The following PCDHA1 variants were observed in gnomAD, a reference collection of about 807,000 sequenced individuals.
The protein encoded by PCDHA1 is protocadherin alpha-1.
A neutral mutation model predicts 61.3 loss-of-function variants in PCDHA1; 42 were observed. The ratio of observed to expected loss-of-function variants is 0.69; its 90% CI spans 0.54 to 0.89. The LOEUF (loss-of-function observed/expected upper bound fraction) is 0.89. Among genes scored for constraint, PCDHA1 ranks in the 40% least tolerant of loss-of-function variants. The pLI is 0.00. For missense variants in PCDHA1, 1,256 were observed against 1,235.3 expected, an observed-to-expected ratio of 1.02 and a Z score of -0.25; for synonymous variants, 610 against 553.8, an observed-to-expected ratio of 1.10 and a Z score of -1.43.
intron 3 of PCDHA1, among the ~76,000 whole-genome samples, chr5:141,000,397 A>C (rs590627): frequency 0.074 from 4,330 of 58,694 alleles, 135 homozygotes; most frequent in Non-Finnish European, 0.096. Flanking sequence ...CTCTCTCTCT[A>C]TATATATATA....
chr5:140,929,717 A>G (rs1408315390), intron 1 of PCDHA1: 1 of 229,936 alleles, frequency 4.3e-6, no homozygotes, highest in Non-Finnish European at 9.0e-6. Flanking sequence ...ATGGAAGGTG[A>G]AACATTTACT....
chr5:140,977,701 G>A (rs1299788207), intron 1 of PCDHA1, among the ~76,000 whole-genome samples: 2 of 152,146 alleles, frequency 1.3e-5, no homozygotes, highest in African/African-American at 4.8e-5. Context: ...AAATCTGTCT[G>A]AATATTGAGA....
intron 1 of PCDHA1, among the ~76,000 whole-genome samples, chr5:140,900,528 C>T (rs1261076566): frequency 2.6e-5 from 4 of 152,214 alleles, no homozygotes; most frequent in South Asian, 4.1e-4. Flanking sequence ...CTGCCCACCT[C>T]GGCTTTCCAA....
At chr5:140,897,154 T>C (rs530327361) in intron 1 of PCDHA1, among the ~76,000 whole-genome samples, 1 of 152,332 alleles carries the variant, frequency 6.6e-6, no homozygotes, top group African/African-American at 2.4e-5. Context: ...TTAACCATTC[T>C]TCTACTGTCT....
intron 1 of PCDHA1, chr5:140,851,271 T>C: frequency 1.9e-6 from 2 of 1,067,438 alleles, no homozygotes; most frequent in South Asian, 8.1e-5. Flanking sequence ...TCTACTTGTA[T>C]TGTTTATAAG....
rs1554131658 is a variant in PCDHA1 at position 140,828,947 on chromosome 5, G to T, written c.2394+40263G>T. 6.2e-7 allele frequency: 1 copy of T among 1,614,120 alleles called. No individual in the cohort carries two copies. The highest frequency in any genetic ancestry group is 1.3e-5 in the African/African-American group (1 of 74,944). On this transcript the variant is annotated intron_variant, in intron 1 of 3. Transcript: ENST00000504120. Reference sequence around the variant, plus strand: ...TTCATATTCTTTTAATAGCCTTGTTGCAGCCATGGTTATTGACCACTTTAG... The same window carrying T: ...TTCATATTCTTTTAATAGCCTTGTTTCAGCCATGGTTATTGACCACTTTAG...
chr5:140,869,694 GA>G, intron 1 of PCDHA1: 1 of 1,613,394 alleles, frequency 6.2e-7, no homozygotes, highest in Non-Finnish European at 8.5e-7. Context: ...TTATTTTAAA[GA>G]AGTCTCTGGA....
intron 1 of PCDHA1, chr5:140,796,510 A>G (rs1762095220): frequency 6.2e-7 from 1 of 1,612,388 alleles, no homozygotes; most frequent in Non-Finnish European, 8.5e-7. Context: ...GGAGAGCGGC[A>G]AGGTGTACGC....
chr5:140,978,967 G>C lies in PCDHA1; in HGVS notation c.2413G>C (p.Asp805His), dbSNP rs782109224. 1.9e-6 allele frequency: 3 copies of C among 1,614,038 alleles called. No homozygotes were observed. The highest frequency in any genetic ancestry group is 1.1e-5 in the South Asian group (1 of 91,066). The stretch of plus-strand genomic sequence containing the variant: ...TTTGCAGCCACGACAGCCCAACCCT[G>C]ACTGGCGTTACTCTGCCTCCCTGAG... ...LSGNPRQPNPDWRYSASLRAG... is the reference protein window; with the variant it reads ...LSGNPRQPNPHWRYSASLRAG... The change falls in exon 2 of 4, where the codon GAC (aspartate) becomes CAC (histidine). Residue 805 changes from aspartate to histidine, a missense_variant. Asp to His is a moderately conservative substitution (Grantham distance 81). Coordinates refer to ENST00000504120, the MANE Select transcript of PCDHA1 (RefSeq NM_018900.4).
chr5:140,935,108 A>G (rs1181696268), intron 1 of PCDHA1, among the ~76,000 whole-genome samples: 3 of 152,148 alleles, frequency 2.0e-5, no homozygotes, highest in Non-Finnish European at 4.4e-5. Context: ...TTTTTCAAAG[A>G]GCTTTCACTT....
At chr5:140,841,190 T>C (rs1442612057) in intron 1 of PCDHA1, 14 of 1,237,774 alleles carry the variant, frequency 1.1e-5, no homozygotes, top group Non-Finnish European at 1.6e-5. Context: ...TCAAAGTCTT[T>C]TCTCTGACAG....
chr5:140,848,554 T>G (rs1554142197), intron 1 of PCDHA1: 4 of 1,595,574 alleles, frequency 2.5e-6, no homozygotes, highest in Admixed American at 3.4e-5. Flanking sequence ...TCGCTTCTGA[T>G]CCTCGCAATG....
At chr5:140,809,929 A>G (rs976840498) in intron 1 of PCDHA1, 1 of 169,298 alleles carries the variant, frequency 5.9e-6, no homozygotes, top group Non-Finnish European at 1.3e-5. Flanking sequence ...AGCTCCATAA[A>G]TTGTATGAAA....
At position 140,796,593 on chromosome 5, in the gene PCDHA1, G is replaced by T. The variant is rs782688537; in HGVS notation, c.2394+7909G>T. 20 of 1,612,470 alleles carry T rather than the reference G, an allele frequency of 1.2e-5. No homozygotes were observed. The South Asian group carries it at 2.2e-4, about 18-fold the overall frequency. ...TGAGCGCGCGGGATGCGGGCGTGCC[G>T]CCTCTGGGCAGCAACGTGACGCTGC... is the stretch of plus-strand genomic sequence containing the variant. On this transcript the variant is annotated intron_variant, in intron 1 of 3. Coordinates refer to ENST00000504120, the MANE Select transcript of PCDHA1 (RefSeq NM_018900.4).
At chr5:140,804,716 T>A (rs1352087005) in intron 1 of PCDHA1, 1 of 175,340 alleles carries the variant, frequency 5.7e-6, no homozygotes, top group African/African-American at 2.4e-5. Flanking sequence ...GTAGACTTTT[T>A]TCTAATCACT....
intron 1 of PCDHA1, chr5:140,836,622 A>AGCTGGTCATTCTCCCAGCAGAGGCG (rs2150266108): frequency 1.2e-6 from 2 of 1,613,448 alleles, no homozygotes; most frequent in Non-Finnish European, 1.7e-6. Context: ...CGCGGTGGGG[A>AGCTGGTCATTCTCCCAGCAGAGGCG]GCTGGTCATT....
In PCDHA1 at chr5:140,839,923, A is replaced by G. The variant is rs2150301855; in HGVS notation, c.2394+51239A>G. ...TGAAGTAATAGAAGAAAAACCTTGAACAAAGAGTGTGCCAAGAAGGAGACA... is the reference window on the plus strand; with the variant it reads ...TGAAGTAATAGAAGAAAAACCTTGAGCAAAGAGTGTGCCAAGAAGGAGACA... On this transcript the variant is annotated intron_variant, in intron 1 of 3. Transcript: ENST00000504120. Among the ~76,000 whole-genome samples the G allele has an allele frequency of 3.2e-4, 49 of 152,178 alleles. No individual in the cohort carries two copies. In the South Asian group the frequency reaches 8.1e-3, roughly 25 times the overall value.
chr5:140,884,445 C>G, intron 1 of PCDHA1: 1 of 1,613,802 alleles, frequency 6.2e-7, no homozygotes, highest in Non-Finnish European at 8.5e-7. Flanking sequence ...TGCTCGGCAC[C>G]GCCCACCGAG....
In PCDHA1 at chr5:140,852,586, T is replaced by TTA. The variant is rs1554145914; in HGVS notation, c.2394+63903_2394+63904insAT. On this transcript the variant is annotated intron_variant, in intron 1 of 3. Transcript: ENST00000504120. ...CCACTGTGCCAAGGCTTTTTTATTTTTTTTTTTTGTCATTTTCTTTCAAAA... is the reference window on the plus strand; with the variant it reads ...CCACTGTGCCAAGGCTTTTTTATTTTTATTTTTTTTGTCATTTTCTTTCAAAA... 25 of 878,568 alleles carry TTA rather than the reference T, an allele frequency of 2.8e-5. 1 individual carries two copies. The highest frequency in any genetic ancestry group is 1.3e-4 in the Admixed American group (2 of 15,686). 54.4% of individuals were successfully genotyped at this position (878,568 alleles called of 1,614,324 possible).
Sources: gnomAD v4.1 joint callset for allele counts (sites outside exome capture counted in the v4.1 genomes callset) on GRCh38, gnomAD v4.1.1 for gene constraint, MANE v1.5 for transcripts, NCBI Gene and HGNC (gene_info 2026-07-23, HGNC 2026-07-21) for gene names.